Variants in ATP10B observed in about 807,000 individuals in gnomAD.
ATP10B encodes ATPase phospholipid transporting 10B (putative).
In ATP10B, 122 loss-of-function variants were observed where a neutral mutation model predicts 141.2. The observed-to-expected ratio is 0.86, with a 90% confidence interval of 0.75 to 1.00. ATP10B has a LOEUF of 1.00. Ranked by LOEUF, ATP10B falls within the 50% of genes least tolerant of loss-of-function variation. The pLI is 0.00. For missense variants in ATP10B, 1,876 were observed against 1,825.3 expected (o/e 1.03, Z -0.51); for synonymous variants, 685 against 692.0 (o/e 0.99, Z 0.16).
intron 3 of ATP10B, among the ~76,000 whole-genome samples, chr5:160,691,473 G>A (rs1305491715): frequency 6.6e-6 from 1 of 152,102 alleles, no homozygotes; most frequent in Non-Finnish European, 1.5e-5. Context: ...TAAAGACCCA[G>A]AAGGATATTA....
upstream of ATP10B, among the ~76,000 whole-genome samples, chr5:160,856,424 A>G (rs1754000543): frequency 6.6e-6 from 1 of 151,810 alleles, no homozygotes. Flanking sequence ...TGGATTTTCT[A>G]CAAAGACAAT....
intron 3 of ATP10B, among the ~76,000 whole-genome samples, chr5:160,705,080 G>A (rs1325017055): frequency 1.1e-4 from 17 of 151,468 alleles, no homozygotes; most frequent in African/African-American, 3.6e-4. Context: ...CACCACACCC[G>A]GCTAATTTTT....
intron 22 of ATP10B, among the ~76,000 whole-genome samples, chr5:160,597,871 A>G (rs1363431694): frequency 6.6e-6 from 1 of 151,834 alleles, no homozygotes; most frequent in East Asian, 1.9e-4. Flanking sequence ...TTAGAATGGC[A>G]ATCATTAAAA....
chr5:160,670,784 G>C (rs1762641437), intron 6 of ATP10B, 117 bp from the exon 7 acceptor site: 2 of 875,208 alleles, frequency 2.3e-6, no homozygotes, highest in Non-Finnish European at 3.6e-6. Context: ...CCTGTCATGA[G>C]ATTGCCTTGT....
the ATP10B span, among the ~76,000 whole-genome samples, chr5:160,927,904 T>C: frequency 6.6e-6 from 1 of 152,220 alleles, no homozygotes; most frequent in Non-Finnish European, 1.5e-5. Context: ...TGTGAAGAGA[T>C]GGCCTTTGAG....
the ATP10B span, among the ~76,000 whole-genome samples, chr5:160,908,224 A>G: frequency 1.1e-4 from 17 of 152,198 alleles, no homozygotes; most frequent in African/African-American, 4.1e-4. Flanking sequence ...AACAAAAAAG[A>G]AATGACCCTT....
intron 2 of ATP10B, among the ~76,000 whole-genome samples, chr5:160,757,850 G>A (rs1299867292): frequency 6.6e-6 from 1 of 152,178 alleles, no homozygotes; most frequent in Non-Finnish European, 1.5e-5. Context: ...ATAAGGCTTT[G>A]TTGCAGGGAA....
intron 3 of ATP10B, among the ~76,000 whole-genome samples, chr5:160,703,763 C>T (rs1257824333): frequency 6.6e-6 from 1 of 152,058 alleles, no homozygotes; most frequent in Non-Finnish European, 1.5e-5. Context: ...CTGTGCCTGG[C>T]TTGTCTTGAT....
At chr5:160,868,557 C>CACAA in the ATP10B span, among the ~76,000 whole-genome samples, 10 of 150,954 alleles carry the variant, frequency 6.6e-5, no homozygotes, top group Non-Finnish European at 1.2e-4. Context: ...CACACACACA[C>CACAA]ACACACACAC....
At chr5:160,731,900 A>C (rs1371804672) in intron 2 of ATP10B, among the ~76,000 whole-genome samples, 1 of 152,220 alleles carries the variant, frequency 6.6e-6, no homozygotes, top group African/African-American at 2.4e-5. Context: ...GCCTGCTAAA[A>C]TAAAAAATCC....
intron 2 of ATP10B, among the ~76,000 whole-genome samples, chr5:160,747,379 C>T (rs1561812130): frequency 1.3e-5 from 2 of 152,070 alleles, no homozygotes; most frequent in Non-Finnish European, 2.9e-5. Flanking sequence ...TGAATCCTGT[C>T]CCACCAAAAA....
chr5:160,811,897 T>A (rs999060148), intron 1 of ATP10B, among the ~76,000 whole-genome samples: 3 of 152,048 alleles, frequency 2.0e-5, no homozygotes, highest in Non-Finnish European at 4.4e-5. Flanking sequence ...TGAGACCCAC[T>A]GCTGTGCTGG....
chr5:160,921,333 C>G, the ATP10B span, among the ~76,000 whole-genome samples: 1 of 150,548 alleles, frequency 6.6e-6, no homozygotes, highest in Non-Finnish European at 1.5e-5. Flanking sequence ...ACATAAAGAA[C>G]TGCCTCATTC....
chr5:160,884,045 C>T, the ATP10B span, among the ~76,000 whole-genome samples: 1 of 152,146 alleles, frequency 6.6e-6, no homozygotes, highest in Admixed American at 6.5e-5. Context: ...GTACATTTTT[C>T]TCTACAGCAT....
At chr5:160,925,832 T>G in the ATP10B span, among the ~76,000 whole-genome samples, 1 of 152,202 alleles carries the variant, frequency 6.6e-6, no homozygotes, top group Non-Finnish European at 1.5e-5. Context: ...TTTTGGAACA[T>G]TCTTCCTAAA....
At chr5:160,726,097 A>T (rs538311815) in intron 2 of ATP10B, among the ~76,000 whole-genome samples, 2 of 152,138 alleles carry the variant, frequency 1.3e-5, no homozygotes, top group Non-Finnish European at 2.9e-5. Context: ...AGCCACTGAG[A>T]GACGCGCGAG....
At chr5:160,601,563 T>C (rs746255540) in intron 21 of ATP10B, among the ~76,000 whole-genome samples, 2 of 152,196 alleles carry the variant, frequency 1.3e-5, no homozygotes, top group Non-Finnish European at 2.9e-5. Context: ...CCTCAGTTGG[T>C]ATGTGTTTGC....
chr5:160,808,655 A>T (rs1041492711), intron 1 of ATP10B, among the ~76,000 whole-genome samples: 2 of 152,118 alleles, frequency 1.3e-5, no homozygotes, highest in Non-Finnish European at 2.9e-5. Context: ...GATCTTTCTT[A>T]TCCTTCCCAT....
chr5:160,755,869 ATATATAT>A (rs1324255116), intron 2 of ATP10B, among the ~76,000 whole-genome samples: 59 of 114,564 alleles, frequency 5.1e-4, no homozygotes, highest in African/African-American at 2.6e-3. Flanking sequence ...ATATATATAT[ATATATAT>A]ATTATAATTT....
Sources: allele counts gnomAD v4.1 joint callset (sites outside exome capture counted in the v4.1 genomes callset), GRCh38; gene constraint gnomAD v4.1.1; transcripts MANE v1.5; gene names NCBI Gene and HGNC (gene_info 2026-07-23, HGNC 2026-07-21).